ME1: variants seen among roughly 807,000 people sequenced by gnomAD.
ME1 encodes the protein malic enzyme 1.
ME1 carries 74 observed loss-of-function variants against 66.4 expected under a neutral mutation model. The observed-to-expected ratio is 1.11, with a 90% CI of 0.92 to 1.35. The LOEUF (loss-of-function observed/expected upper bound fraction) is 1.35. Among genes scored for constraint, ME1 ranks in the 40% most tolerant of loss-of-function variants. The pLI is 0.00. For synonymous variants in ME1, 251 were observed against 235.6 expected, an observed-to-expected ratio of 1.07 and a Z score of -0.60; for missense variants, 750 against 694.1, an observed-to-expected ratio of 1.08 and a Z score of -0.90.
intron 5 of ME1, among the ~76,000 whole-genome samples, chr6:83,324,738 A>AG (rs1476386235): frequency 1.3e-5 from 2 of 150,186 alleles, no homozygotes; most frequent in Admixed American, 1.3e-4. Flanking sequence ...AAAAAAAAAA[A>AG]AAGCCCAGGA....
intron 7 of ME1, among the ~76,000 whole-genome samples, chr6:83,247,568 G>A (rs1422391989): frequency 2.0e-5 from 3 of 151,864 alleles, no homozygotes; most frequent in Non-Finnish European, 4.4e-5. Context: ...AGGGTCCAGT[G>A]TAAACACATT....
At chr6:83,414,178 C>A (rs542714414) in intron 1 of ME1, among the ~76,000 whole-genome samples, 83 of 149,724 alleles carry the variant, frequency 5.5e-4, no homozygotes, top group African/African-American at 1.8e-3. Flanking sequence ...ATTTCCCCCC[C>A]AAAAAAAATC....
In ME1 at chr6:83,239,620, T is replaced by C. The variant is rs369555353; in HGVS notation, c.831A>G (p.Ala277=). Residue 277 remains alanine, a synonymous_variant, in exon 8 of 14, where the codon GCA becomes GCG. Transcript: ENST00000369705. ...NDDIQGTASV[A]VAGLLAALRI... is the part of the protein sequence containing the mutation. ...GAAGAGCTGCAAGGAGACCTGCAACTGCAACAGATGCTGTTCCTGAAACAA... is the reference window on the plus strand; with the variant it reads ...GAAGAGCTGCAAGGAGACCTGCAACCGCAACAGATGCTGTTCCTGAAACAA... 4 of 1,612,390 alleles carry C rather than the reference T, an allele frequency of 2.5e-6. No homozygotes were observed. Among genetic ancestry groups the C allele is most frequent in the Non-Finnish European group, 3.4e-6 (4 of 1,178,528 alleles).
At chr6:83,346,927 T>G in intron 4 of ME1, among the ~76,000 whole-genome samples, 1 of 151,908 alleles carries the variant, frequency 6.6e-6, no homozygotes. Context: ...TTCTCCTTCC[T>G]TCCTTCCTTC....
chr6:83,427,408 A>G (rs1216418268), intron 1 of ME1, among the ~76,000 whole-genome samples: 3 of 152,220 alleles, frequency 2.0e-5, no homozygotes, highest in African/African-American at 4.8e-5. Flanking sequence ...TTATCCAGCA[A>G]GTAATTAAAA....
chr6:83,279,720 T>A (rs1046286183), intron 6 of ME1, among the ~76,000 whole-genome samples: 1 of 152,140 alleles, frequency 6.6e-6, no homozygotes. Flanking sequence ...GTATTTGAAG[T>A]AATAATGGCT....
chr6:83,348,635 A>G (rs560674820), intron 4 of ME1, among the ~76,000 whole-genome samples: 4 of 151,814 alleles, frequency 2.6e-5, no homozygotes, highest in South Asian at 2.1e-4. Flanking sequence ...ATAACTTTTC[A>G]CTTATTTTTG....
chr6:83,212,377 T>C (rs189707020), intron 13 of ME1, among the ~76,000 whole-genome samples: 2 of 152,218 alleles, frequency 1.3e-5, no homozygotes, highest in Non-Finnish European at 2.9e-5. Context: ...GAAGCCAGTG[T>C]TCAAAGTCTT....
intron 11 of ME1, 125 bp downstream of exon 11, chr6:83,227,210 T>C: frequency 2.0e-6 from 1 of 497,804 alleles, no homozygotes; most frequent in Admixed American, 4.2e-5. Flanking sequence ...CTGATTTGTG[T>C]GCTTTTCTTT....
chr6:83,290,049 G>T (rs1022771019), intron 6 of ME1, among the ~76,000 whole-genome samples: 8 of 150,354 alleles, frequency 5.3e-5, no homozygotes, highest in African/African-American at 1.7e-4. Context: ...TTGCTAGAGG[G>T]CTATTTTGTT....
At chr6:83,325,011 C>T (rs1482639350) in intron 5 of ME1, among the ~76,000 whole-genome samples, 3 of 152,032 alleles carry the variant, frequency 2.0e-5, no homozygotes, top group African/African-American at 4.8e-5. Flanking sequence ...CAAAACTTAT[C>T]CACCATGATC....
At chr6:83,250,561 T>TAG (rs1273864654) in intron 7 of ME1, among the ~76,000 whole-genome samples, 1 of 152,258 alleles carries the variant, frequency 6.6e-6, no homozygotes, top group Non-Finnish European at 1.5e-5. Context: ...GGCAAAAGCC[T>TAG]AGGCTCCATC....
intron 5 of ME1, among the ~76,000 whole-genome samples, chr6:83,329,407 C>G (rs966316133): frequency 2.0e-5 from 3 of 152,138 alleles, no homozygotes; most frequent in African/African-American, 7.2e-5. Context: ...AGACAAACAT[C>G]TGTACTGGTA....
chr6:83,235,249 C>T (rs148284562), intron 9 of ME1, among the ~76,000 whole-genome samples: 1 of 152,060 alleles, frequency 6.6e-6, no homozygotes, highest in African/African-American at 2.4e-5. Flanking sequence ...TTTTATAATA[C>T]TTTCATATGG....
rs6902584 is a variant in ME1, at chr6:83,286,941, A to G, written c.704+28369T>C. On this transcript the variant is annotated intron_variant, in intron 6 of 13. Transcript: ENST00000369705. ...AGCATCAAATTGCATTGGAAAGTAA[A>G]TGTTACATATTCAATCATGATATTA... Among the ~76,000 whole-genome samples the G allele has an allele frequency of 5.7e-3, 875 of 152,294 alleles. 9 individuals carry two copies. The highest frequency in any genetic ancestry group is 0.02 in the African/African-American group (836 of 41,562).
At chr6:83,224,689 A>AT (rs1790154003) in intron 11 of ME1, among the ~76,000 whole-genome samples, 1 of 135,356 alleles carries the variant, frequency 7.4e-6, no homozygotes, top group Non-Finnish European at 1.5e-5. Context: ...AGCTCAAAAA[A>AT]AAAAAAAATA....
chr6:83,380,971 A>T (rs1361784), intron 3 of ME1, among the ~76,000 whole-genome samples: 50,647 of 151,972 alleles, frequency 0.33, 8,813 homozygotes, highest in Middle Eastern at 0.5. Flanking sequence ...TGTATTAGAT[A>T]TAGTTCATGG....
At chr6:83,380,294 A>G (rs149062623) in intron 3 of ME1, among the ~76,000 whole-genome samples, 38 of 152,256 alleles carry the variant, frequency 2.5e-4, no homozygotes, top group African/African-American at 8.9e-4. Flanking sequence ...AGAAGCAGGC[A>G]AAGAAGTCAA....
chr6:83,244,663 A>G (rs1277394748), intron 7 of ME1, among the ~76,000 whole-genome samples: 1 of 152,106 alleles, frequency 6.6e-6, no homozygotes, highest in African/African-American at 2.4e-5. Context: ...TGATAGCAGT[A>G]TCAAGAAATA....
Sources: allele counts gnomAD v4.1 joint callset (sites outside exome capture counted in the v4.1 genomes callset), GRCh38; gene constraint gnomAD v4.1.1; transcripts MANE v1.5; gene names NCBI Gene and HGNC (gene_info 2026-07-23, HGNC 2026-07-21).